SRBD1: variants seen among roughly 807,000 people sequenced by gnomAD.
The protein encoded by SRBD1 is S1 RNA binding domain 1, also known as S1 RNA-binding domain-containing protein 1.
Under a neutral mutation model 115.3 loss-of-function variants are expected in SRBD1, and 88 were observed. That is an observed-to-expected ratio of 0.76 (90% CI 0.64 to 0.91). The LOEUF (loss-of-function observed/expected upper bound fraction) is 0.91, where lower values mean the gene tolerates loss of function less well. SRBD1 is among the 40% of genes least tolerant of loss of function. The pLI is 0.00. For synonymous variants in SRBD1, 509 were observed against 407.7 expected (o/e 1.25, Z -2.99); for missense variants, 1,385 against 1,177.4 (o/e 1.18, Z -2.58).
At chr2:45,514,258 C>T (rs1218641016) in intron 14 of SRBD1, among the ~76,000 whole-genome samples, 1 of 152,048 alleles carries the variant, frequency 6.6e-6, no homozygotes, top group African/African-American at 2.4e-5. Flanking sequence ...TGATTTTTCA[C>T]AAATTTCCAG....
intron 19 of SRBD1, among the ~76,000 whole-genome samples, chr2:45,398,404 T>C (rs1046223280): frequency 6.6e-6 from 1 of 152,078 alleles, no homozygotes; most frequent in African/African-American, 2.4e-5. Flanking sequence ...TTTCCTGTCA[T>C]AGATGAAGGA....
intron 18 of SRBD1, among the ~76,000 whole-genome samples, chr2:45,414,826 T>C (rs1667751914): frequency 6.7e-6 from 1 of 148,718 alleles, no homozygotes; most frequent in Non-Finnish European, 1.5e-5. Flanking sequence ...ATAGTGTGTA[T>C]ATAGTATGTA....
chr2:45,392,738 TC>T (rs1423350052), intron 20 of SRBD1, among the ~76,000 whole-genome samples: 1 of 152,154 alleles, frequency 6.6e-6, no homozygotes, highest in African/African-American at 2.4e-5. Context: ...GAACAAGGGG[TC>T]CAGGGAGACC....
At chr2:45,576,332 A>T (rs981673783) in intron 7 of SRBD1, among the ~76,000 whole-genome samples, 1 of 151,884 alleles carries the variant, frequency 6.6e-6, no homozygotes, top group African/African-American at 2.4e-5. Flanking sequence ...AATCAGCTTT[A>T]TGTCATCAGT....
At chr2:45,526,664 A>G (rs1187609268) in intron 14 of SRBD1, among the ~76,000 whole-genome samples, 1 of 151,984 alleles carries the variant, frequency 6.6e-6, no homozygotes, top group Non-Finnish European at 1.5e-5. Flanking sequence ...ACTTCCAAAA[A>G]CAATAAAAAA....
At chr2:45,503,342 T>C (rs1670694799) in intron 14 of SRBD1, among the ~76,000 whole-genome samples, 2 of 152,160 alleles carry the variant, frequency 1.3e-5, no homozygotes, top group Non-Finnish European at 2.9e-5. Context: ...CTAAAGAATA[T>C]GGATTGCTGC....
intron 14 of SRBD1, chr2:45,546,306 A>G (rs185904144): frequency 1.0e-5 from 10 of 985,456 alleles, no homozygotes; most frequent in African/African-American, 1.7e-5. Context: ...TTTTTAATTC[A>G]TAATACTTAC....
chr2:45,430,374 C>T (rs557812340), intron 16 of SRBD1, among the ~76,000 whole-genome samples: 69 of 152,242 alleles, frequency 4.5e-4, no homozygotes, highest in East Asian at 9.6e-4. Flanking sequence ...GGAGGCATCA[C>T]GCTACCTGAC....
chr2:45,601,891 T>C lies in SRBD1; in HGVS notation c.261+12A>G. 2 of 1,613,980 alleles carry C rather than the reference T, an allele frequency of 1.2e-6. No homozygotes were observed. The highest frequency in any genetic ancestry group is 1.7e-6 in the Non-Finnish European group (2 of 1,179,900). The stretch of plus-strand genomic sequence containing the variant: ...CACTACAGAGTTCCCTCTATCCAGC[T>C]GTAGCACCTACCAGCTCCTCCTTAA... On this transcript the variant is annotated intron_variant, in intron 3 of 20. Transcript: ENST00000263736.
intron 16 of SRBD1, among the ~76,000 whole-genome samples, chr2:45,461,205 G>A (rs759452005): frequency 7.9e-5 from 12 of 152,198 alleles, no homozygotes; most frequent in Non-Finnish European, 1.8e-4. Context: ...CAAAGAAGCA[G>A]AGATAAAATA....
At chr2:45,585,943 C>T (rs1025062111) in intron 4 of SRBD1, among the ~76,000 whole-genome samples, 169 bp from the exon 5 acceptor site, 1 of 152,120 alleles carries the variant, frequency 6.6e-6, no homozygotes, top group African/African-American at 2.4e-5. Flanking sequence ...CATTGACAAT[C>T]ATAATGGTAA....
At chr2:45,543,090 T>A (rs538198100) in intron 14 of SRBD1, among the ~76,000 whole-genome samples, 18 of 152,334 alleles carry the variant, frequency 1.2e-4, no homozygotes, top group Admixed American at 1.0e-3. Flanking sequence ...AAATGACCCA[T>A]AAAACTGTAG....
intron 19 of SRBD1, among the ~76,000 whole-genome samples, chr2:45,397,137 A>G (rs1325392532): frequency 6.6e-6 from 1 of 152,208 alleles, no homozygotes; most frequent in Non-Finnish European, 1.5e-5. Context: ...GTACAGGTAG[A>G]CAGAGCAGGT....
rs60622580 is a variant in SRBD1, at chr2:45,500,228, CTGTG to C, written c.1875-11901_1875-11898del. On this transcript the variant is annotated intron_variant, in intron 14 of 20. Transcript: ENST00000263736. ...TTTGACTTCTTTGATTAAATTTATC[CTGTG>C]TGTGTGTGTGTGTGTGTGTTTGGTT... Among the ~76,000 whole-genome samples the C allele has an allele frequency of 6.8e-5, 10 of 146,556 alleles. No homozygotes were observed. In the East Asian group the frequency reaches 8.2e-4, roughly 12 times the overall value.
At chr2:45,566,863 A>G (rs1339332863) in intron 9 of SRBD1, among the ~76,000 whole-genome samples, 1 of 152,064 alleles carries the variant, frequency 6.6e-6, no homozygotes, top group Non-Finnish European at 1.5e-5. Context: ...AAACAACATC[A>G]CTTCAACATA....
intron 16 of SRBD1, among the ~76,000 whole-genome samples, chr2:45,446,586 T>C (rs1215853593): frequency 2.0e-5 from 3 of 151,744 alleles, no homozygotes; most frequent in Non-Finnish European, 4.4e-5. Context: ...AAATCAAATA[T>C]ATAGCAAAAG....
chr2:45,575,094 T>G (rs1673137182), intron 7 of SRBD1, among the ~76,000 whole-genome samples: 1 of 152,196 alleles, frequency 6.6e-6, no homozygotes. Flanking sequence ...ATGAAGTGAT[T>G]ACAAATACTA....
chr2:45,528,611 T>C (rs1195734091), intron 14 of SRBD1, among the ~76,000 whole-genome samples: 2 of 151,876 alleles, frequency 1.3e-5, no homozygotes, highest in Non-Finnish European at 1.5e-5. Context: ...TCTGAGTCCA[T>C]GTCTCTGGTG....
rs920965699 is a variant in SRBD1 at position 45,586,739 on chromosome 2, G to C, written c.649-965C>G. ...TTTTTTTTTTATTAGTGGAAATGAG[G>C]TCTTACTACATTGCCCAAGCTGGTC... On this transcript the variant is annotated intron_variant, in intron 4 of 20. Coordinates refer to ENST00000263736, the MANE Select transcript of SRBD1 (RefSeq NM_018079.5). Among the ~76,000 whole-genome samples, 7 of 149,700 alleles carry C rather than the reference G, an allele frequency of 4.7e-5. No homozygotes were observed. The East Asian group carries it at 1.4e-3, about 29-fold the overall frequency.
Sources: gnomAD v4.1 joint callset for allele counts (sites outside exome capture counted in the v4.1 genomes callset) on GRCh38, gnomAD v4.1.1 for gene constraint, MANE v1.5 for transcripts, NCBI Gene and HGNC (gene_info 2026-07-23, HGNC 2026-07-21) for gene names.